The following PRL variants were observed in gnomAD, a reference collection of about 807,000 sequenced individuals.
PRL encodes the protein prolactin.
In PRL, 24 loss-of-function variants were observed where a neutral mutation model predicts 21.3. The observed-to-expected ratio is 1.13, with a 90% CI of 0.82 to 1.59. The LOEUF is 1.59. PRL is among the 40% of genes most tolerant of loss of function. PRL has a pLI of 0.00. For synonymous variants in PRL, 118 were observed against 115.7 expected (o/e 1.02, Z -0.13); for missense variants, 243 against 286.9 (o/e 0.85, Z 1.10).
chr6:22,295,138 G>T (rs935218159), intron 1 of PRL, among the ~76,000 whole-genome samples: 3 of 152,196 alleles, frequency 2.0e-5, no homozygotes, highest in African/African-American at 7.2e-5. Flanking sequence ...TAATGCTGTA[G>T]TTTAGATCTG....
intron 3 of PRL, among the ~76,000 whole-genome samples, chr6:22,291,849 A>G (rs2113505160): frequency 6.6e-6 from 1 of 152,370 alleles, no homozygotes; most frequent in East Asian, 1.9e-4. Flanking sequence ...CAAAAGGAAG[A>G]GATCATAGCA....
chr6:22,288,460 A>G lies in PRL; in HGVS notation c.493-867T>C, dbSNP rs1205958. On this transcript the variant is annotated intron_variant, in intron 4 of 4. Transcript: ENST00000306482. This position sits in a 1 kb window ranked among gnomAD's most constrained non-coding sequence, Gnocchi z 4.5. ...TGAGGCATGAGGATCGCTTGAACCCAGGAGGCAGAGATTGTGGTGAGCCGA... is the reference window on the plus strand; with the variant it reads ...TGAGGCATGAGGATCGCTTGAACCCGGGAGGCAGAGATTGTGGTGAGCCGA... 0.88 allele frequency among the ~76,000 whole-genome samples: 133,211 copies of G among 151,862 alleles called. 58,450 individuals are homozygous for G. Among genetic ancestry groups the G allele is most frequent in the East Asian group, 0.96 (4,926 of 5,128 alleles).
chr6:22,290,544 TA>T (rs898547373), intron 3 of PRL, among the ~76,000 whole-genome samples, 191 bp from the exon 4 acceptor site: 1 of 151,756 alleles, frequency 6.6e-6, no homozygotes, highest in African/African-American at 2.4e-5. Context: ...TTGCTAAAAT[TA>T]AAAAAAAATC....
rs541741153 is a variant in PRL, at chr6:22,288,920, G to A, written c.492+1254C>T. 5.5e-5 allele frequency among the ~76,000 whole-genome samples: 7 copies of A among 127,994 alleles called. No homozygotes were observed. The highest frequency in any genetic ancestry group is 1.1e-4 in the Non-Finnish European group (6 of 56,464). The allele number at this position is 127,994 out of a possible 152,430, so 84.0% of individuals were successfully genotyped here. ...CGTGTGTGCGCGCGCGTGTGTGTGC[G>A]TGCGCGTGTGTGTGCATGTGTGTGT... On this transcript the variant is annotated intron_variant, in intron 4 of 4. Transcript: ENST00000306482. The surrounding 1 kb of genome is among the most constrained non-coding windows in gnomAD (Gnocchi z 4.5).
rs953072336 is a variant in PRL at position 22,288,729 on chromosome 6, G to A, written c.493-1136C>T. 6.6e-6 allele frequency among the ~76,000 whole-genome samples: 1 copy of A among 152,140 alleles called. No homozygotes were observed. Among genetic ancestry groups the A allele is most frequent in the Non-Finnish European group, 1.5e-5 (1 of 68,020 alleles). ...TCTTAGAGACCAAGTAACCATTTTA[G>A]CAACTTTAGGGATGTCAGCTAGTTT... is the stretch of plus-strand genomic sequence containing the variant. On this transcript the variant is annotated intron_variant, in intron 4 of 4. Transcript: ENST00000306482. This position sits in a 1 kb window ranked among gnomAD's most constrained non-coding sequence, Gnocchi z 4.5.
rs1761075261 is a variant in PRL at position 22,292,640 on chromosome 6, T to G, written c.210A>C (p.Lys70Asn). Reference sequence around the variant, plus strand: ...TGAACCCCCGGCCATGGGTATACCGTTTATCCTGGAAATGATGAGACAAAT... The same window carrying G: ...TGAACCCCCGGCCATGGGTATACCGGTTATCCTGGAAATGATGAGACAAAT... ...LSSEMFSEFD[K>N]RYTHGRGFIT... Residue 70 changes from lysine to asparagine, a missense_variant, in exon 3 of 5, where the codon AAA becomes AAC. Physicochemically the swap from Lys to Asn is moderately conservative, Grantham distance 94. Transcript: ENST00000306482. 6.2e-7 allele frequency: 1 copy of G among 1,612,418 alleles called. No individual in the cohort carries two copies. The highest frequency in any genetic ancestry group is 1.7e-5 in the Admixed American group (1 of 59,768).
In PRL at chr6:22,287,279, T is replaced by C. The variant is rs1454978003; in HGVS notation, c.*123A>G. The C allele has an allele frequency of 3.0e-6, 3 of 1,012,968 alleles. No homozygotes were observed. Among genetic ancestry groups the C allele is most frequent in the Non-Finnish European group, 4.1e-6 (3 of 730,930 alleles). The allele number at this position is 1,012,968 out of a possible 1,614,324, so 62.7% of individuals were successfully genotyped here. A position where few individuals can be genotyped will look rare whatever the true frequency, so the allele number is the denominator to read the frequency against. ...TTTGATGTCTCTAAGGAGTCAGTTT[T>C]TATTTTTTAAGAGGAGACCTGTTAC... On this transcript the variant is annotated 3_prime_UTR_variant, in exon 5 of 5. Transcript: ENST00000306482.
intron 1 of PRL, among the ~76,000 whole-genome samples, chr6:22,302,745 C>T (rs1344803488): frequency 6.6e-6 from 1 of 152,098 alleles, no homozygotes; most frequent in South Asian, 2.1e-4. Context: ...CATTAATAAA[C>T]TGTAGGGAAC....
At chr6:22,292,443 T>A in intron 3 of PRL, 95 bp downstream of exon 3, 2 of 1,159,262 alleles carry the variant, frequency 1.7e-6, no homozygotes, top group Non-Finnish European at 2.6e-6. Context: ...TCTCTGCATG[T>A]ACAATTACCA....
chr6:22,287,630 T>G (rs200168325), intron 4 of PRL, 37 bp from the exon 5 acceptor site: 1 of 1,492,362 alleles, frequency 6.7e-7, no homozygotes, highest in African/African-American at 1.4e-5. Context: ...ATTCTTCATA[T>G]TATTAGTATT....
chr6:22,297,728 T>C (rs1278758468), upstream of PRL, among the ~76,000 whole-genome samples: 1 of 152,230 alleles, frequency 6.6e-6, no homozygotes, highest in Non-Finnish European at 1.5e-5. Context: ...GTGGTATTAT[T>C]CTCTCCAGTT....
At chr6:22,297,201 A>C (rs1290353442), upstream of PRL, 1 of 577,464 alleles carries the variant, frequency 1.7e-6, no homozygotes, top group East Asian at 2.9e-5. Context: ...CATATTCAGG[A>C]AGACATACTG....
chr6:22,296,475 A>AT (rs1330907876), intron 1 of PRL, among the ~76,000 whole-genome samples: 1 of 152,228 alleles, frequency 6.6e-6, no homozygotes, highest in African/African-American at 2.4e-5. Context: ...GCCAATCCAC[A>AT]TTAGAGGCCT....
upstream of PRL, among the ~76,000 whole-genome samples, chr6:22,299,011 C>A (rs1273868363): frequency 6.6e-6 from 1 of 152,176 alleles, no homozygotes; most frequent in East Asian, 1.9e-4. Flanking sequence ...CATAGCCCCA[C>A]ATTTCCTGTG....
Position 22,287,489 on chromosome 6 carries a change from C to T in PRL, c.597G>A (p.Leu199=). ...GTGAATCCCTGCGTAGGCAGTGGAG[C>T]AGGTTATAATAAGCAGAAAGGCGAG... ...EESRLSAYYN[L]LHCLRRDSHK... The change falls in exon 5 of 5, where the codon CTG becomes CTA. Residue 199 remains leucine, a synonymous_variant. Coordinates refer to ENST00000306482, the MANE Select transcript of PRL (RefSeq NM_000948.6). 6.2e-7 allele frequency: 1 copy of T among 1,614,148 alleles called. No individual in the cohort carries two copies. The highest frequency in any genetic ancestry group is 8.5e-7 in the Non-Finnish European group (1 of 1,180,012).
Position 22,296,901 on chromosome 6 carries a change from T to TC in PRL, c.28+53dup, listed in dbSNP as rs1462496485. Reference sequence around the variant, plus strand: ...GTTATTAGTTAAAATTTCACATTAATCCCCCCACAGGAGTGTTGATACAAC... The same window carrying TC: ...GTTATTAGTTAAAATTTCACATTAATCCCCCCCACAGGAGTGTTGATACAAC... On this transcript the variant is annotated intron_variant, in intron 1 of 4. Transcript: ENST00000306482. 6 of 1,567,020 alleles carry TC rather than the reference T, an allele frequency of 3.8e-6. No homozygotes were observed. In the East Asian group the frequency reaches 1.3e-4, roughly 35 times the overall value.
chr6:22,292,269 C>T (rs1388836741), intron 3 of PRL, among the ~76,000 whole-genome samples: 2 of 152,180 alleles, frequency 1.3e-5, no homozygotes, highest in African/African-American at 4.8e-5. Flanking sequence ...ACTGTATATA[C>T]AATCCTAGCG....
rs760886492 is a variant in PRL at position 22,287,522 on chromosome 6, A to C, written c.564T>G (p.Asp188Glu). 2 of 1,614,146 alleles carry C rather than the reference A, an allele frequency of 1.2e-6. No homozygotes were observed. The highest frequency in any genetic ancestry group is 8.5e-7 in the Non-Finnish European group (1 of 1,179,984). ...AATAAGCAGAAAGGCGAGACTCTTC[A>C]TCAGCCATCTGCAGGGATGGAAGTC... is the stretch of plus-strand genomic sequence containing the variant. Reference protein sequence around the residue: ...WSGLPSLQMADEESRLSAYYN... With the variant: ...WSGLPSLQMAEEESRLSAYYN... Residue 188 changes from aspartate to glutamate, a missense_variant, in exon 5 of 5, where the codon GAT becomes GAG. By Grantham distance (45) the Asp-to-Glu change is conservative (BLOSUM62 2). Coordinates refer to ENST00000306482, the MANE Select transcript of PRL (RefSeq NM_000948.6).
Position 22,287,428 on chromosome 6 carries a change from G to A in PRL, c.658C>T (p.Arg220Ter). The A allele has an allele frequency of 1.2e-6, 2 of 1,613,678 alleles. No homozygotes were observed. The highest frequency in any genetic ancestry group is 1.7e-6 in the Non-Finnish European group (2 of 1,179,696). ...TAGCAGTTGTTGTTGTGGATGATTCGGCACTTCAGGAGCTTGAGATAATTG... is the reference window on the plus strand; with the variant it reads ...TAGCAGTTGTTGTTGTGGATGATTCAGCACTTCAGGAGCTTGAGATAATTG... ...IDNYLKLLKCRIIHNNNC is the reference protein window; with the variant it reads ...IDNYLKLLKC Residue 220 changes from arginine (R) to a stop codon, truncating the protein, a stop_gained, in exon 5 of 5, where the codon CGA becomes TGA. Transcript: ENST00000306482. LOFTEE classifies it high-confidence loss of function.
Sources: allele counts gnomAD v4.1 joint callset (sites outside exome capture counted in the v4.1 genomes callset), GRCh38; gene constraint gnomAD v4.1.1; non-coding constraint Gnocchi (gnomAD v3.1); transcripts MANE v1.5; gene names NCBI Gene and HGNC (gene_info 2026-07-23, HGNC 2026-07-21).